The following SDCBP2 variants were observed in gnomAD, a reference collection of about 807,000 sequenced individuals.
SDCBP2 encodes the protein syntenin-2.
A neutral mutation model predicts 30.7 loss-of-function variants in SDCBP2; 28 were observed. The ratio of observed to expected loss-of-function variants is 0.91; its 90% CI spans 0.68 to 1.25. The LOEUF (loss-of-function observed/expected upper bound fraction) is 1.25. Among genes scored for constraint, SDCBP2 ranks in the 50% most tolerant of loss-of-function variants. The pLI is 0.00. For synonymous variants in SDCBP2, 166 were observed against 157.3 expected, an observed-to-expected ratio of 1.06 and a Z score of -0.41; for missense variants, 399 against 379.0, an observed-to-expected ratio of 1.05 and a Z score of -0.44.
At chr20:1,326,613 G>A (rs1472340124) in intron 1 of SDCBP2, among the ~76,000 whole-genome samples, 2 of 152,198 alleles carry the variant, frequency 1.3e-5, no homozygotes, top group East Asian at 3.8e-4. Flanking sequence ...CTGTACGCAT[G>A]GAGATTGGCA....
chr20:1,326,095 G>C (rs2122549493), intron 1 of SDCBP2, among the ~76,000 whole-genome samples: 1 of 152,368 alleles, frequency 6.6e-6, no homozygotes, highest in South Asian at 2.1e-4. Flanking sequence ...GAGGAAGGAA[G>C]AAGACCCTGA....
chr20:1,314,526 A>C (rs1726298794), intron 4 of SDCBP2, among the ~76,000 whole-genome samples: 1 of 147,084 alleles, frequency 6.8e-6, no homozygotes, highest in Non-Finnish European at 1.5e-5. Context: ...AGGAAAGGAA[A>C]GGAAAAGAAA....
Position 1,312,418 on chromosome 20 carries a change from T to C in SDCBP2, c.651A>G (p.Lys217=), listed in dbSNP as rs2088689361. The change falls in exon 7 of 9, where the codon AAA becomes AAG. Residue 217 remains lysine, a synonymous_variant. Coordinates refer to ENST00000360779, the MANE Select transcript of SDCBP2 (RefSeq NM_080489.5). ...IKKGKIVSLV[K]GSSAARNGLL... ...GCCCGTTGCGGGCCGCAGAACTCCC[T>C]TTGACCAGAGAGACAATCTTCCCCT... The C allele has an allele frequency of 6.2e-7, 1 of 1,613,966 alleles. No individual in the cohort carries two copies. The highest frequency in any genetic ancestry group is 1.3e-5 in the African/African-American group (1 of 75,052).
Position 1,320,346 on chromosome 20 carries a change from G to T in SDCBP2, c.54+17C>A. 1 of 1,611,576 alleles carries T rather than the reference G, an allele frequency of 6.2e-7. No homozygotes were observed. On this transcript the variant is annotated intron_variant, in intron 2 of 8. Coordinates refer to ENST00000360779, the MANE Select transcript of SDCBP2 (RefSeq NM_080489.5). This position sits in a 1 kb window ranked among gnomAD's most constrained non-coding sequence, Gnocchi z 4.7. ...TCCCCTTCAGGGAATCCAGGCCAAT[G>T]GGGCCTGGCGACTTACCTGAATGGC...
Position 1,318,320 on chromosome 20 carries a change from T to C in SDCBP2, c.223A>G (p.Ser75Gly), listed in dbSNP as rs2088808326. The C allele has an allele frequency of 1.2e-6, 2 of 1,610,052 alleles. No homozygotes were observed. Among genetic ancestry groups the C allele is most frequent in the Middle Eastern group, 1.7e-4 (1 of 6,052 alleles). ...GCAGGCAGAAGCCAAATACATACACTGTCACCCTCTGGAATCTGAAGCAGG... is the reference window on the plus strand; with the variant it reads ...GCAGGCAGAAGCCAAATACATACACCGTCACCCTCTGGAATCTGAAGCAGG... ...ESLLQIPEGDSTAVSGPGPGQ... is the reference protein window; with the variant it reads ...ESLLQIPEGDGTAVSGPGPGQ... The change falls in exon 4 of 9, where the codon AGT (serine) becomes GGT (glycine). Residue 75 changes from serine to glycine, a missense_variant and splice_region_variant. By Grantham distance (56) the Ser-to-Gly change is moderately conservative. Coordinates refer to ENST00000360779, the MANE Select transcript of SDCBP2 (RefSeq NM_080489.5).
intron 1 of SDCBP2, among the ~76,000 whole-genome samples, chr20:1,326,889 A>C (rs1295152537): frequency 6.6e-6 from 1 of 152,290 alleles, no homozygotes; most frequent in Non-Finnish European, 1.5e-5. Context: ...CACAGAGAGA[A>C]GAGAAAGCCT....
At chr20:1,325,126 C>T (rs1167304466) in intron 1 of SDCBP2, among the ~76,000 whole-genome samples, 1 of 152,144 alleles carries the variant, frequency 6.6e-6, no homozygotes, top group Non-Finnish European at 1.5e-5. Flanking sequence ...CTCCATCCAC[C>T]GCGCCACAGG....
At position 1,322,755 on chromosome 20, in the gene SDCBP2, G is replaced by A. The variant is rs1288923162; in HGVS notation, c.-19-2320C>T. ...CTGGTTAATTTTTGTATTTTTTGTA[G>A]AGACAGGGTTTCAGCATGTTGCCCA... On this transcript the variant is annotated intron_variant, in intron 1 of 8. Coordinates refer to ENST00000360779, the MANE Select transcript of SDCBP2 (RefSeq NM_080489.5). 2.6e-5 allele frequency: 4 copies of A among 152,160 alleles called. No homozygotes were observed. The East Asian group carries it at 7.7e-4, about 29-fold the overall frequency. 9.4% of individuals were successfully genotyped at this position (152,160 alleles called of 1,614,324 possible). A position where few individuals can be genotyped will look rare whatever the true frequency, so the allele number is the denominator to read the frequency against.
At position 1,320,406 on chromosome 20, in the gene SDCBP2, A is replaced by T. The variant is rs1305890994; in HGVS notation, c.11T>A (p.Leu4Gln). The T allele has an allele frequency of 3.7e-6, 6 of 1,613,820 alleles. No individual in the cohort carries two copies. Among genetic ancestry groups the T allele is most frequent in the Non-Finnish European group, 5.1e-6 (6 of 1,179,856 alleles). ...TTTTAGGTCCTCTAGAGATGGGTACAGGGATGACATGGCTGATTCTCAGAA... is the reference window on the plus strand; with the variant it reads ...TTTTAGGTCCTCTAGAGATGGGTACTGGGATGACATGGCTGATTCTCAGAA... MSSLYPSLEDLKVD... is the reference protein window; with the variant it reads MSSQYPSLEDLKVD... Residue 4 changes from leucine to glutamine, a missense_variant, in exon 2 of 9, where the codon CTG (leucine) becomes CAG (glutamine). By Grantham distance (113) the Leu-to-Gln change is moderately radical. Transcript: ENST00000360779. The surrounding 1 kb of genome is among the most constrained non-coding windows in gnomAD (Gnocchi z 4.7).
Position 1,313,612 on chromosome 20 carries a change from C to T in SDCBP2, c.226-114G>A, listed in dbSNP as rs1345417068. ...GGAGGATGGAGCCGTCCCCGGGTCC[C>T]CCCACGTCCCCAGTCCACGCTTCTC... is the stretch of plus-strand genomic sequence containing the variant. On this transcript the variant is annotated intron_variant, in intron 4 of 8. Coordinates refer to ENST00000360779, the MANE Select transcript of SDCBP2 (RefSeq NM_080489.5). The surrounding 1 kb of genome is among the most constrained non-coding windows in gnomAD (Gnocchi z 5.2). The T allele has an allele frequency of 7.0e-7, 1 of 1,425,620 alleles. No individual in the cohort carries two copies. Among genetic ancestry groups the T allele is most frequent in the East Asian group, 2.6e-5 (1 of 38,526 alleles). The allele number at this position is 1,425,620 out of a possible 1,614,324, so 88.3% of individuals were successfully genotyped here.
chr20:1,312,737 G>C lies in SDCBP2; in HGVS notation c.410C>G (p.Ala137Gly). Residue 137 changes from alanine (A) to glycine (G), a missense_variant, in exon 6 of 9, where the codon GCC becomes GGC. Physicochemically the swap from Ala to Gly is moderately conservative, Grantham distance 60. Coordinates refer to ENST00000360779, the MANE Select transcript of SDCBP2 (RefSeq NM_080489.5). ...CCCCACAAGGGATGCAGGGGTGTTG[G>C]CCTGGACCAACTGCACAAAGAGCCC... ...DQGLFVQLVQANTPASLVGLR... is the reference protein window; with the variant it reads ...DQGLFVQLVQGNTPASLVGLR... 6.2e-7 allele frequency: 1 copy of C among 1,613,374 alleles called. No individual in the cohort carries two copies. Among genetic ancestry groups the C allele is most frequent in the Non-Finnish European group, 8.5e-7 (1 of 1,179,854 alleles).
chr20:1,322,090 C>G (rs2088857230), intron 1 of SDCBP2: 1 of 152,264 alleles, frequency 6.6e-6, no homozygotes, highest in Admixed American at 6.5e-5. Flanking sequence ...TCAACTCCAG[C>G]CACAATGAGC....
At chr20:1,315,128 C>A (rs2122515001) in intron 4 of SDCBP2, among the ~76,000 whole-genome samples, 1 of 152,352 alleles carries the variant, frequency 6.6e-6, no homozygotes, top group South Asian at 2.1e-4. Context: ...ATAATCAAGA[C>A]AGTGTGGTAC....
At position 1,310,456 on chromosome 20, in the gene SDCBP2, G is replaced by C; in HGVS notation, c.864C>G (p.Ser288=). The C allele has an allele frequency of 6.2e-7, 1 of 1,613,624 alleles. No individual in the cohort carries two copies. Among genetic ancestry groups the C allele is most frequent in the Non-Finnish European group, 8.5e-7 (1 of 1,179,946 alleles). ...TGCAGTGGCTTCAGGCATCTGGGAT[G>C]GAGTGGTCCATGGTGTGGTGGAGCA... ...PVLLHHTMDH[S]IPDA Residue 288 remains serine, a synonymous_variant, in exon 9 of 9, where the codon TCC becomes TCG. Transcript: ENST00000360779.
intron 4 of SDCBP2, among the ~76,000 whole-genome samples, chr20:1,314,037 G>C (rs749899020): frequency 6.6e-6 from 1 of 152,160 alleles, no homozygotes; most frequent in East Asian, 1.9e-4. Context: ...CCTATTTATA[G>C]ATGGCACGAT....
In SDCBP2 at chr20:1,310,330, G is replaced by T. The variant is rs2088641267; in HGVS notation, c.*111C>A. Reference sequence around the variant, plus strand: ...CCCTCCTGGACACGCCCCCCTCATGGCAGCCCCCACCTTAAGCAGCAGGCC... The same window carrying T: ...CCCTCCTGGACACGCCCCCCTCATGTCAGCCCCCACCTTAAGCAGCAGGCC... On this transcript the variant is annotated 3_prime_UTR_variant, in exon 9 of 9. Coordinates refer to ENST00000360779, the MANE Select transcript of SDCBP2 (RefSeq NM_080489.5). 5.3e-6 allele frequency: 6 copies of T among 1,137,204 alleles called. No individual in the cohort carries two copies. The Admixed American group carries it at 1.1e-4, about 21-fold the overall frequency. The allele number at this position is 1,137,204 out of a possible 1,614,324, so 70.4% of individuals were successfully genotyped here.
intron 3 of SDCBP2, 143 bp from the exon 4 acceptor site, chr20:1,318,561 C>T (rs1600281611): frequency 1.7e-6 from 1 of 584,748 alleles, no homozygotes; most frequent in Non-Finnish European, 3.0e-6. Flanking sequence ...TGGGGTATCC[C>T]CAGGAACACT....
rs1210716413 is a variant in SDCBP2, at chr20:1,313,346, G to A, written c.378C>T (p.Val126=). 1 of 1,611,042 alleles carries A rather than the reference G, an allele frequency of 6.2e-7. No individual in the cohort carries two copies. The highest frequency in any genetic ancestry group is 1.3e-5 in the African/African-American group (1 of 74,906). ...RGKTGLRLRK[V]DQGLFVQLVQ... is the part of the protein sequence containing the mutation. ...CCCAGCCCCCGCGCCCTACCTGGTCGACCTTCCGCAGCCTCAGCCCGGTCT... is the reference window on the plus strand; with the variant it reads ...CCCAGCCCCCGCGCCCTACCTGGTCAACCTTCCGCAGCCTCAGCCCGGTCT... The change falls in exon 5 of 9, where the codon GTC becomes GTT. Residue 126 remains valine, a synonymous_variant. Transcript: ENST00000360779. The surrounding 1 kb of genome is among the most constrained non-coding windows in gnomAD (Gnocchi z 5.2).
chr20:1,323,430 T>G (rs532467858), intron 1 of SDCBP2: 1 of 152,310 alleles, frequency 6.6e-6, no homozygotes, highest in East Asian at 1.9e-4. Context: ...AGCACTTATA[T>G]TTTTGTCAGC....
Sources: gnomAD v4.1 joint callset for allele counts (sites outside exome capture counted in the v4.1 genomes callset) on GRCh38, gnomAD v4.1.1 for gene constraint, Gnocchi (gnomAD v3.1) non-coding constraint, MANE v1.5 for transcripts, NCBI Gene and HGNC (gene_info 2026-07-23, HGNC 2026-07-21) for gene names.